RSL24D1: variants seen among roughly 807,000 people sequenced by gnomAD.
The protein encoded by RSL24D1 is ribosomal L24 domain containing 1.
In RSL24D1, 6 loss-of-function variants were observed where a neutral mutation model predicts 26.2. That is an observed-to-expected ratio of 0.23 (90% CI 0.13 to 0.45). RSL24D1 has a LOEUF of 0.45. Ranked by LOEUF, RSL24D1 falls within the 20% of genes least tolerant of loss-of-function variation. The pLI, the probability that RSL24D1 is intolerant of heterozygous loss-of-function variation, is 0.99. For missense variants in RSL24D1, 176 were observed against 202.6 expected, an observed-to-expected ratio of 0.87 and a Z score of 0.80; for synonymous variants, 61 against 59.1, an observed-to-expected ratio of 1.03 and a Z score of -0.15.
chr15:55,185,736 A>T (rs1461932604), intron 3 of RSL24D1, among the ~76,000 whole-genome samples: 2 of 152,202 alleles, frequency 1.3e-5, no homozygotes, highest in African/African-American at 4.8e-5. Context: ...GAGAACTTGG[A>T]CTACTGACAA....
chr15:55,190,602 C>T (rs1894285829), intron 3 of RSL24D1, among the ~76,000 whole-genome samples: 1 of 152,120 alleles, frequency 6.6e-6, no homozygotes, highest in African/African-American at 2.4e-5. Flanking sequence ...ATATCCTAAA[C>T]TATATGGTCT....
intron 3 of RSL24D1, among the ~76,000 whole-genome samples, chr15:55,187,170 C>T (rs1335800635): frequency 6.6e-6 from 1 of 152,144 alleles, no homozygotes; most frequent in Non-Finnish European, 1.5e-5. Flanking sequence ...TCTTTGAGAC[C>T]TCTAGTATTA....
chr15:55,193,784 C>G (rs1292542273), intron 1 of RSL24D1, among the ~76,000 whole-genome samples: 1 of 152,242 alleles, frequency 6.6e-6, no homozygotes, highest in East Asian at 1.9e-4. Flanking sequence ...GATCCAGGCC[C>G]ATACCTCCTA....
At chr15:55,189,176 G>C (rs1274688039) in intron 3 of RSL24D1, among the ~76,000 whole-genome samples, 1 of 138,526 alleles carries the variant, frequency 7.2e-6, no homozygotes, top group Non-Finnish European at 1.5e-5. Context: ...CCGGGTGACA[G>C]AGCAAGACTC....
At chr15:55,196,654 G>A (rs750461012) in intron 1 of RSL24D1, 156 bp downstream of exon 1, 16 of 665,314 alleles carry the variant, frequency 2.4e-5, no homozygotes, top group Non-Finnish European at 3.9e-5. Context: ...GAAGCGGAAC[G>A]TTGAGAACGG....
intron 3 of RSL24D1, among the ~76,000 whole-genome samples, chr15:55,187,199 T>C (rs1894233643): frequency 6.6e-6 from 1 of 152,196 alleles, no homozygotes; most frequent in Non-Finnish European, 1.5e-5. Context: ...TTTGTATAAA[T>C]AACTCTAAGA....
chr15:55,182,369 G>C (rs1488330612), intron 5 of RSL24D1, 144 bp from the exon 6 acceptor site: 1 of 605,254 alleles, frequency 1.7e-6, no homozygotes, highest in Admixed American at 2.8e-5. Context: ...AACTAACATA[G>C]GTCTTATGAT....
intron 3 of RSL24D1, among the ~76,000 whole-genome samples, chr15:55,189,835 A>C (rs1270541213): frequency 6.6e-6 from 1 of 152,212 alleles, no homozygotes; most frequent in Non-Finnish European, 1.5e-5. Flanking sequence ...CCATTAGCAG[A>C]GTAATAAAGT....
intron 1 of RSL24D1, among the ~76,000 whole-genome samples, chr15:55,195,052 A>G (rs915412273): frequency 2.0e-5 from 3 of 150,288 alleles, no homozygotes; most frequent in Non-Finnish European, 4.4e-5. Context: ...AAAAGGCTAG[A>G]TAAGAGGCTA....
intron 5 of RSL24D1, 132 bp downstream of exon 5, chr15:55,183,183 T>C: frequency 1.6e-6 from 1 of 618,248 alleles, no homozygotes; most frequent in Non-Finnish European, 2.7e-6. Flanking sequence ...ACTGAATAAA[T>C]TACATTTTTA....
At chr15:55,193,765 G>C (rs1894325089) in intron 1 of RSL24D1, among the ~76,000 whole-genome samples, 1 of 152,122 alleles carries the variant, frequency 6.6e-6, no homozygotes, top group African/African-American at 2.4e-5. Context: ...GTTGCTATTA[G>C]TTTAATCTGA....
At chr15:55,183,088 T>C (rs1894186980) in intron 5 of RSL24D1, among the ~76,000 whole-genome samples, 1 of 152,150 alleles carries the variant, frequency 6.6e-6, no homozygotes, top group Non-Finnish European at 1.5e-5. Flanking sequence ...TCATTTTGCA[T>C]AACTTGGGGG....
Position 55,196,793 on chromosome 15 carries a change from G to T in RSL24D1, c.81+17C>A. The stretch of plus-strand genomic sequence containing the variant: ...CGGGAGCTAGGCTGAAGCAAGAACT[G>T]GTGTCGACCGCCTTACCTTGCAATC... On this transcript the variant is annotated intron_variant, in intron 1 of 5. Transcript: ENST00000260443. The T allele has an allele frequency of 3.7e-6, 6 of 1,613,528 alleles. No individual in the cohort carries two copies. The highest frequency in any genetic ancestry group is 2.2e-5 in the East Asian group (1 of 44,876).
chr15:55,196,505 G>A, intron 1 of RSL24D1: 1 of 581,448 alleles, frequency 1.7e-6, no homozygotes, highest in Non-Finnish European at 3.2e-6. Flanking sequence ...GTACATGAGT[G>A]GCCAAACAGC....
chr15:55,196,628 G>A lies in RSL24D1; in HGVS notation c.81+182C>T, dbSNP rs1003996740. 3.9e-5 allele frequency: 24 copies of A among 620,666 alleles called. 1 individual carries two copies. The highest frequency in any genetic ancestry group is 1.1e-4 in the East Asian group (4 of 36,166). 38.4% of individuals were successfully genotyped at this position (620,666 alleles called of 1,614,324 possible). A position where few individuals can be genotyped will look rare whatever the true frequency, so the allele number is the denominator to read the frequency against. Reference sequence around the variant, plus strand: ...GTGGCCAGCGCCGCTCGGAAGACGGGCAAGGAGAAACCCCCGAAGCGGAAC... The same window carrying A: ...GTGGCCAGCGCCGCTCGGAAGACGGACAAGGAGAAACCCCCGAAGCGGAAC... On this transcript the variant is annotated intron_variant, in intron 1 of 5. Coordinates refer to ENST00000260443, the MANE Select transcript of RSL24D1 (RefSeq NM_016304.3).
chr15:55,184,213 G>A (rs1047182321), intron 4 of RSL24D1, among the ~76,000 whole-genome samples: 1 of 152,032 alleles, frequency 6.6e-6, no homozygotes, highest in African/African-American at 2.4e-5. Flanking sequence ...CCAAGCTGGG[G>A]AAGAGGAAAC....
rs778541204 is a variant in RSL24D1 at position 55,196,898 on chromosome 15, C to A, written c.-8G>T. On this transcript the variant is annotated 5_prime_UTR_variant, in exon 1 of 6. Coordinates refer to ENST00000260443, the MANE Select transcript of RSL24D1 (RefSeq NM_016304.3). Reference sequence around the variant, plus strand: ...ACACTTTTCGATACGCATGTTGAACCCGCGTGTAACCCCACCAAACAAACG... The same window carrying A: ...ACACTTTTCGATACGCATGTTGAACACGCGTGTAACCCCACCAAACAAACG... 3 of 1,613,750 alleles carry A rather than the reference C, an allele frequency of 1.9e-6. No individual in the cohort carries two copies. Among genetic ancestry groups the A allele is most frequent in the Non-Finnish European group, 2.5e-6 (3 of 1,179,694 alleles).
chr15:55,189,155 T>C (rs1894262959), intron 3 of RSL24D1, among the ~76,000 whole-genome samples: 1 of 130,338 alleles, frequency 7.7e-6, no homozygotes, highest in Non-Finnish European at 1.5e-5. Flanking sequence ...ATCCCACCAC[T>C]ACACTCCAGC....
chr15:55,195,780 G>C (rs897771314), intron 1 of RSL24D1, among the ~76,000 whole-genome samples: 2 of 152,164 alleles, frequency 1.3e-5, no homozygotes, highest in Admixed American at 6.5e-5. Context: ...GTCACTTTCA[G>C]CTGAATCCCT....
Sources: gnomAD v4.1 joint callset for allele counts (sites outside exome capture counted in the v4.1 genomes callset) on GRCh38, gnomAD v4.1.1 for gene constraint, MANE v1.5 for transcripts, NCBI Gene and HGNC (gene_info 2026-07-23, HGNC 2026-07-21) for gene names.